The following EPS15 variants were observed in gnomAD, a reference collection of about 807,000 sequenced individuals.
EPS15 encodes epidermal growth factor receptor substrate 15.
EPS15 carries 72 observed loss-of-function variants against 113.8 expected under a neutral mutation model. The ratio of observed to expected loss-of-function variants is 0.63; its 90% CI spans 0.52 to 0.77. The LOEUF (loss-of-function observed/expected upper bound fraction) is 0.77, where lower values mean the gene tolerates loss of function less well. Ranked by LOEUF, EPS15 falls within the 30% of genes least tolerant of loss-of-function variation. The pLI is 0.00. For missense variants in EPS15, 1,048 were observed against 1,045.8 expected (o/e 1.00, Z -0.03); for synonymous variants, 344 against 363.4 (o/e 0.95, Z 0.61).
chr1:51,360,122 G>C (rs1461738387), intron 24 of EPS15, among the ~76,000 whole-genome samples: 1 of 152,032 alleles, frequency 6.6e-6, no homozygotes, highest in African/African-American at 2.4e-5. Flanking sequence ...CTTCTAACTA[G>C]AAACAGCTGC....
At chr1:51,433,410 G>C (rs1321610541) in intron 12 of EPS15, among the ~76,000 whole-genome samples, 2 of 152,250 alleles carry the variant, frequency 1.3e-5, no homozygotes, top group Non-Finnish European at 2.9e-5. Context: ...CTGAGGTACA[G>C]ATAGTTAAGT....
In EPS15 at chr1:51,399,583, G is replaced by A. The variant is rs186281069; in HGVS notation, c.1919-418C>T. 2.6e-5 allele frequency among the ~76,000 whole-genome samples: 4 copies of A among 152,106 alleles called. No individual in the cohort carries two copies. The East Asian group carries it at 7.7e-4, about 29-fold the overall frequency. ...CAAACAAAAAGACAGTTTGGGCCAG[G>A]TGCAGTGGCTCACACCTGTAATTCC... is the stretch of plus-strand genomic sequence containing the variant. On this transcript the variant is annotated intron_variant, in intron 19 of 24. Coordinates refer to ENST00000371733, the MANE Select transcript of EPS15 (RefSeq NM_001981.3).
chr1:51,429,584 G>C (rs1197809298), intron 12 of EPS15, among the ~76,000 whole-genome samples: 1 of 149,834 alleles, frequency 6.7e-6, no homozygotes, highest in Non-Finnish European at 1.5e-5. Context: ...TGGTAAATCA[G>C]AAAAAGATTA....
chr1:51,503,264 G>C (rs1476264370), intron 1 of EPS15, among the ~76,000 whole-genome samples: 1 of 152,160 alleles, frequency 6.6e-6, no homozygotes, highest in Non-Finnish European at 1.5e-5. Flanking sequence ...TGACTGTTTT[G>C]TAGAAACTGG....
intron 1 of EPS15, among the ~76,000 whole-genome samples, chr1:51,516,631 A>AT (rs1244909966): frequency 2.0e-5 from 3 of 152,156 alleles, no homozygotes; most frequent in East Asian, 1.9e-4. Flanking sequence ...CATTTTTCAC[A>AT]TTTTTTCCCC....
chr1:51,461,336 C>A (rs143449196), intron 7 of EPS15, among the ~76,000 whole-genome samples, 186 bp from the exon 8 acceptor site: 1 of 151,662 alleles, frequency 6.6e-6, no homozygotes, highest in Non-Finnish European at 1.5e-5. Context: ...GGAAACATAA[C>A]GAGATCCCAT....
At chr1:51,359,589 G>A (rs186013066) in intron 24 of EPS15, among the ~76,000 whole-genome samples, 6 of 150,544 alleles carry the variant, frequency 4.0e-5, no homozygotes, top group South Asian at 2.1e-4. Context: ...GAGAAACCCC[G>A]TCTCTACTAA....
In EPS15 at chr1:51,403,419, C is replaced by T. The variant is rs1400910767; in HGVS notation, c.1791G>A (p.Glu597=). ...SELDNNRHSK[E]EDPFNVDSSS... is the part of the protein sequence containing the mutation. ...ATGTAAATATAAAATCATTTTTTAC[C>T]TCTTTTGAATGTCTATTATTGTCGA... is the stretch of plus-strand genomic sequence containing the variant. Residue 597 remains glutamate, a splice_region_variant and synonymous_variant, in exon 17 of 25, where the codon GAG becomes GAA. Transcript: ENST00000371733. 1 of 1,537,948 alleles carries T rather than the reference C, an allele frequency of 6.5e-7. No individual in the cohort carries two copies. Among genetic ancestry groups the T allele is most frequent in the Admixed American group, 1.8e-5 (1 of 55,972 alleles).
intron 1 of EPS15, among the ~76,000 whole-genome samples, chr1:51,506,078 A>G (rs1644494782): frequency 6.6e-6 from 1 of 152,066 alleles, no homozygotes; most frequent in Admixed American, 6.6e-5. Context: ...GCAGAGGCGG[A>G]GTTTCACCAC....
intron 1 of EPS15, among the ~76,000 whole-genome samples, chr1:51,516,026 T>G (rs72674577): frequency 6.6e-6 from 1 of 152,092 alleles, no homozygotes; most frequent in Non-Finnish European, 1.5e-5. Context: ...AAGTATTACA[T>G]GCTTTTTTTC....
intron 13 of EPS15, among the ~76,000 whole-genome samples, chr1:51,411,368 C>A (rs1649706405): frequency 6.6e-6 from 1 of 151,992 alleles, no homozygotes; most frequent in South Asian, 2.1e-4. Flanking sequence ...ATCAACTCTG[C>A]AAAGAAAGGC....
intron 5 of EPS15, 124 bp downstream of exon 5, chr1:51,468,349 G>A (rs1303278720): frequency 4.1e-6 from 3 of 731,908 alleles, no homozygotes; most frequent in Non-Finnish European, 7.2e-6. Flanking sequence ...GGGGAAAAAA[G>A]CCAAGTAGCT....
chr1:51,462,025 T>C (rs1654487699), intron 7 of EPS15: 1 of 152,168 alleles, frequency 6.6e-6, no homozygotes, highest in Non-Finnish European at 1.5e-5. Flanking sequence ...TAAGAAGTGG[T>C]GCAGCCAGGA....
At chr1:51,496,379 A>G (rs558003565) in intron 1 of EPS15, among the ~76,000 whole-genome samples, 3 of 152,360 alleles carry the variant, frequency 2.0e-5, no homozygotes, top group East Asian at 3.9e-4. Context: ...TTTGAACTTG[A>G]TAACACTCAG....
At chr1:51,358,216 G>C (rs1259502420) in intron 24 of EPS15, among the ~76,000 whole-genome samples, 1 of 152,062 alleles carries the variant, frequency 6.6e-6, no homozygotes, top group South Asian at 2.1e-4. Context: ...ACCTGAGCCT[G>C]GGAAGTTGAG....
At chr1:51,409,106 A>G (rs1483773064) in intron 14 of EPS15, among the ~76,000 whole-genome samples, 2 of 152,030 alleles carry the variant, frequency 1.3e-5, no homozygotes, top group Non-Finnish European at 2.9e-5. Context: ...TTTTTTGTAG[A>G]GATGGGATTT....
At chr1:51,403,357 T>G (rs556020972) in intron 17 of EPS15, 62 bp downstream of exon 17, 8 of 852,422 alleles carry the variant, frequency 9.4e-6, no homozygotes, top group Non-Finnish European at 1.5e-5. Context: ...GTCTGATAAT[T>G]CACCTCCTCC....
chr1:51,458,508 G>A (rs909579394), intron 8 of EPS15: 19 of 436,682 alleles, frequency 4.4e-5, no homozygotes, highest in South Asian at 2.2e-4. Flanking sequence ...AGGCCGAGGC[G>A]AGTGGATCAC....
intron 21 of EPS15, among the ~76,000 whole-genome samples, chr1:51,383,595 G>T (rs1026827237): frequency 6.6e-6 from 1 of 152,178 alleles, no homozygotes. Flanking sequence ...TGATCTGACA[G>T]GAAGCGGAGC....
Sources: gnomAD v4.1 joint callset for allele counts (sites outside exome capture counted in the v4.1 genomes callset) on GRCh38, gnomAD v4.1.1 for gene constraint, MANE v1.5 for transcripts, NCBI Gene and HGNC (gene_info 2026-07-23, HGNC 2026-07-21) for gene names.